The following CAMK4 variants were observed in gnomAD, a reference collection of about 807,000 sequenced individuals.
CAMK4 encodes the protein calcium/calmodulin dependent protein kinase IV.
CAMK4 carries 22 observed loss-of-function variants against 44.9 expected under a neutral mutation model. The ratio of observed to expected loss-of-function variants is 0.49; its 90% CI spans 0.35 to 0.70. The LOEUF (loss-of-function observed/expected upper bound fraction) is 0.70. CAMK4 is among the 30% of genes least tolerant of loss of function. The pLI, the probability that CAMK4 is intolerant of heterozygous loss-of-function variation, is 0.01. For missense variants in CAMK4, 498 were observed against 586.8 expected (o/e 0.85, Z 1.56); for synonymous variants, 218 against 215.4 (o/e 1.01, Z -0.11).
intron 1 of CAMK4, among the ~76,000 whole-genome samples, chr5:111,333,808 G>C (rs1342700671): frequency 6.6e-6 from 1 of 151,574 alleles, no homozygotes; most frequent in Non-Finnish European, 1.5e-5. Flanking sequence ...CAGAGTTGAA[G>C]AGTTAATAGT....
chr5:111,427,736 T>G (rs918309544), intron 5 of CAMK4, among the ~76,000 whole-genome samples: 3 of 152,210 alleles, frequency 2.0e-5, no homozygotes, highest in African/African-American at 7.2e-5. Flanking sequence ...GAATACCAGG[T>G]AGACTTCTAA....
intron 5 of CAMK4, among the ~76,000 whole-genome samples, chr5:111,397,901 T>A (rs1447334886): frequency 6.6e-6 from 1 of 152,168 alleles, no homozygotes; most frequent in East Asian, 1.9e-4. Flanking sequence ...GTTGTTCTAC[T>A]GACAAAACGT....
At chr5:111,362,828 A>G (rs1750645972) in intron 2 of CAMK4, among the ~76,000 whole-genome samples, 1 of 152,080 alleles carries the variant, frequency 6.6e-6, no homozygotes, top group African/African-American at 2.4e-5. Flanking sequence ...CAAAATATCC[A>G]CAGCTACATC....
At chr5:111,242,674 A>G (rs1749055028) in intron 1 of CAMK4, among the ~76,000 whole-genome samples, 1 of 152,130 alleles carries the variant, frequency 6.6e-6, no homozygotes, top group Non-Finnish European at 1.5e-5. Context: ...AGGTCTTTTC[A>G]GAACAGCCGT....
chr5:111,333,465 G>T (rs1450205231), intron 1 of CAMK4, among the ~76,000 whole-genome samples: 1 of 151,630 alleles, frequency 6.6e-6, no homozygotes, highest in Non-Finnish European at 1.5e-5. Context: ...TAGTTTTATT[G>T]TTATTAATGT....
chr5:111,361,675 CAT>C (rs77068129), intron 2 of CAMK4, among the ~76,000 whole-genome samples: 5 of 151,956 alleles, frequency 3.3e-5, no homozygotes, highest in Non-Finnish European at 5.9e-5. Flanking sequence ...GATTAGTAAA[CAT>C]ATGAAATTGT....
At chr5:111,375,306 G>A in intron 3 of CAMK4, among the ~76,000 whole-genome samples, 1 of 152,110 alleles carries the variant, frequency 6.6e-6, no homozygotes, top group East Asian at 1.9e-4. Flanking sequence ...AGTCTGCTTT[G>A]AGAGAGGATC....
At chr5:111,272,004 C>A (rs932660420) in intron 1 of CAMK4, among the ~76,000 whole-genome samples, 1 of 152,036 alleles carries the variant, frequency 6.6e-6, no homozygotes, top group East Asian at 1.9e-4. Flanking sequence ...GAGTATCTCC[C>A]AACCCACCAA....
chr5:111,359,377 G>A, intron 2 of CAMK4, among the ~76,000 whole-genome samples: 1 of 33,952 alleles, frequency 2.9e-5, no homozygotes, highest in Non-Finnish European at 7.3e-5. Flanking sequence ...TTTGAAAAGT[G>A]TCTGTTCATG....
Position 111,478,417 on chromosome 5 carries a change from C to A in CAMK4, c.738C>A (p.Gly246=), listed in dbSNP as rs748310159. ...CGFEPFYDER[G]DQFMFRRILN... is the part of the protein sequence containing the mutation. ...TTGAACCATTCTATGATGAAAGAGG[C>A]GATCAGTTCATGTTCAGGAGAATTC... The change falls in exon 9 of 11, where the codon GGC becomes GGA. Residue 246 remains glycine, a synonymous_variant. Transcript: ENST00000282356. The A allele has an allele frequency of 3.2e-6, 5 of 1,571,756 alleles. No individual in the cohort carries two copies. The highest frequency in any genetic ancestry group is 3.4e-5 in the Admixed American group (2 of 58,874).
At chr5:111,372,799 G>A (rs907427272) in intron 2 of CAMK4, among the ~76,000 whole-genome samples, 2 of 152,158 alleles carry the variant, frequency 1.3e-5, no homozygotes, top group African/African-American at 4.8e-5. Flanking sequence ...AGCACTGGAT[G>A]TATCAAGATG....
intron 2 of CAMK4, among the ~76,000 whole-genome samples, chr5:111,346,688 A>T (rs1580628115): frequency 1.3e-5 from 2 of 152,004 alleles, no homozygotes; most frequent in African/African-American, 4.8e-5. Flanking sequence ...CTGAGAGAAG[A>T]TCTTTTCCAT....
intron 5 of CAMK4, chr5:111,416,489 G>A (rs1187788651): frequency 6.6e-6 from 1 of 152,174 alleles, no homozygotes; most frequent in East Asian, 1.9e-4. Flanking sequence ...GAATAAGAAA[G>A]AGTTGTATGC....
At chr5:111,339,165 C>A (rs1749535499) in intron 1 of CAMK4, among the ~76,000 whole-genome samples, 2 of 151,198 alleles carry the variant, frequency 1.3e-5, no homozygotes, top group South Asian at 4.2e-4. Context: ...TATTTTCTCC[C>A]ATTCTGTAGG....
intron 1 of CAMK4, among the ~76,000 whole-genome samples, chr5:111,298,465 C>T (rs1205733622): frequency 6.6e-6 from 1 of 152,162 alleles, no homozygotes; most frequent in Admixed American, 6.5e-5. Context: ...TGTCTTGTTC[C>T]CACTCACAGG....
intron 5 of CAMK4, among the ~76,000 whole-genome samples, chr5:111,426,210 A>T (rs977528868): frequency 2.6e-5 from 4 of 152,210 alleles, no homozygotes; most frequent in African/African-American, 9.6e-5. Context: ...CAATGTTAAT[A>T]ACAAACAATT....
intron 3 of CAMK4, among the ~76,000 whole-genome samples, chr5:111,375,920 G>A (rs1751197080): frequency 6.6e-6 from 1 of 152,048 alleles, no homozygotes. Flanking sequence ...GTTCTCATAA[G>A]AAGAGTAAAA....
chr5:111,459,463 A>G (rs1248211885), intron 7 of CAMK4, among the ~76,000 whole-genome samples: 1 of 152,212 alleles, frequency 6.6e-6, no homozygotes, highest in Non-Finnish European at 1.5e-5. Flanking sequence ...TAAGTTTTAT[A>G]TCACCCATTA....
chr5:111,358,797 C>T (rs1255915293), intron 2 of CAMK4, among the ~76,000 whole-genome samples: 1 of 152,024 alleles, frequency 6.6e-6, no homozygotes, highest in Admixed American at 6.6e-5. Flanking sequence ...TTAGCTCCCA[C>T]TTATAAGTGA....
Sources: allele counts gnomAD v4.1 joint callset (sites outside exome capture counted in the v4.1 genomes callset), GRCh38; gene constraint gnomAD v4.1.1; transcripts MANE v1.5; gene names NCBI Gene and HGNC (gene_info 2026-07-23, HGNC 2026-07-21).